Variants in PDPK1 observed in about 807,000 individuals in gnomAD.
PDPK1 encodes 3-phosphoinositide dependent protein kinase 1, also known as 3-phosphoinositide-dependent protein kinase 1.
In PDPK1, 7 loss-of-function variants were observed where a neutral mutation model predicts 39.8. The ratio of observed to expected loss-of-function variants is 0.18; its 90% CI spans 0.10 to 0.33. The LOEUF is 0.33. Ranked by LOEUF, PDPK1 falls within the 10% of genes least tolerant of loss-of-function variation. The pLI is 1.00. For missense variants in PDPK1, 182 were observed against 384.7 expected (o/e 0.47, Z 4.41); for synonymous variants, 118 against 159.1 (o/e 0.74, Z 1.95).
At chr16:2,595,566 G>A (rs2067083935) in intron 11 of PDPK1, among the ~76,000 whole-genome samples, 1 of 152,248 alleles carries the variant, frequency 6.6e-6, no homozygotes, top group Non-Finnish European at 1.5e-5. Flanking sequence ...AACAGGCACT[G>A]TGTCTGGTAT....
intron 1 of PDPK1, among the ~76,000 whole-genome samples, chr16:2,544,858 T>A (rs980266496): frequency 6.6e-6 from 1 of 152,064 alleles, no homozygotes; most frequent in Non-Finnish European, 1.5e-5. Context: ...TGCTGGGATT[T>A]ACAGGCATGA....
Position 2,576,920 on chromosome 16 carries a change from G to A in PDPK1, c.710-505G>A, listed in dbSNP as rs571854764. 42 of 196,128 alleles carry A rather than the reference G, an allele frequency of 2.1e-4. 1 individual carries two copies. In the South Asian group the frequency reaches 3.4e-3, roughly 16 times the overall value. The allele number at this position is 196,128 out of a possible 1,614,324, so 12.1% of individuals were successfully genotyped here. On this transcript the variant is annotated intron_variant, in intron 6 of 13. Transcript: ENST00000342085. ...CAGGGCCGGTGTGGACAGCAGCTGC[G>A]TGGTGGCCCTGGGCCAGCTCGTGCT...
At chr16:2,544,183 G>C (rs1277280299) in intron 1 of PDPK1, among the ~76,000 whole-genome samples, 2 of 152,206 alleles carry the variant, frequency 1.3e-5, no homozygotes, top group Non-Finnish European at 2.9e-5. Context: ...GGGGATGGCA[G>C]ACTGTATGTA....
chr16:2,593,795 G>T lies in PDPK1; in HGVS notation c.1344-1998G>T, dbSNP rs535274151. On this transcript the variant is annotated intron_variant, in intron 11 of 13. Transcript: ENST00000342085. The surrounding 1 kb of genome is among the most constrained non-coding windows in gnomAD (Gnocchi z 4.2). ...GGCCTGTCTGTCAGAGTGGCTTCCT[G>T]CCGGCTCTGTGGTCCCTCCAGGCAT... The T allele has an allele frequency of 6.5e-6, 1 of 152,698 alleles. No homozygotes were observed. The highest frequency in any genetic ancestry group is 2.4e-5 in the African/African-American group (1 of 41,472). The allele number at this position is 152,698 out of a possible 1,614,324, so 9.5% of individuals were successfully genotyped here.
In PDPK1 at chr16:2,597,596, G is replaced by GT. The variant is rs1315341187; in HGVS notation, c.1555-54dup. On this transcript the variant is annotated intron_variant, in intron 13 of 13. Coordinates refer to ENST00000342085, the MANE Select transcript of PDPK1 (RefSeq NM_002613.5). The surrounding 1 kb of genome is among the most constrained non-coding windows in gnomAD (Gnocchi z 6.3). ...GTCGCAGGCAGCTCACCAGGTTGGGGTGGGGGTTTTGGTGGGACTCCCTGG... is the reference window on the plus strand; with the variant it reads ...GTCGCAGGCAGCTCACCAGGTTGGGGTTGGGGGTTTTGGTGGGACTCCCTGG... 32 of 1,264,048 alleles carry GT rather than the reference G, an allele frequency of 2.5e-5. No individual in the cohort carries two copies. Among genetic ancestry groups the GT allele is most frequent in the Admixed American group, 2.0e-4 (12 of 59,458 alleles). The allele number at this position is 1,264,048 out of a possible 1,614,324, so 78.3% of individuals were successfully genotyped here. A position where few individuals can be genotyped will look rare whatever the true frequency, so the allele number is the denominator to read the frequency against.
intron 11 of PDPK1, chr16:2,594,003 C>T (rs2067047793): frequency 6.6e-6 from 1 of 152,324 alleles, no homozygotes; most frequent in Admixed American, 6.5e-5. Context: ...TGCTTCAGAC[C>T]CACAGGATGG....
At chr16:2,541,987 G>A (rs2066253470) in intron 1 of PDPK1, among the ~76,000 whole-genome samples, 1 of 151,806 alleles carries the variant, frequency 6.6e-6, no homozygotes, top group Non-Finnish European at 1.5e-5. Flanking sequence ...TCTCTTTTCT[G>A]TACCTGATGT....
chr16:2,542,556 C>G (rs2066264124), intron 1 of PDPK1, among the ~76,000 whole-genome samples: 1 of 152,148 alleles, frequency 6.6e-6, no homozygotes, highest in Non-Finnish European at 1.5e-5. Flanking sequence ...ACAAGCCTGA[C>G]ATTAGCAGCT....
chr16:2,589,405 C>T lies in PDPK1; in HGVS notation c.1343+2512C>T, dbSNP rs544260656. Among the ~76,000 whole-genome samples, 7 of 152,104 alleles carry T rather than the reference C, an allele frequency of 4.6e-5. No individual in the cohort carries two copies. The South Asian group carries it at 6.2e-4, about 14-fold the overall frequency. ...TTTTCCTTGTGCCTACATGAGAATA[C>T]GGTAAGTTAAGTTCAGGATCACACC... On this transcript the variant is annotated intron_variant, in intron 11 of 13. Coordinates refer to ENST00000342085, the MANE Select transcript of PDPK1 (RefSeq NM_002613.5).
At chr16:2,596,511 A>G (rs1353739357) in intron 12 of PDPK1, among the ~76,000 whole-genome samples, 4 of 152,078 alleles carry the variant, frequency 2.6e-5, no homozygotes, top group African/African-American at 9.7e-5. Flanking sequence ...TCTTTATTTT[A>G]TGGATTAAAT....
chr16:2,592,234 A>G (rs777292300), intron 11 of PDPK1, among the ~76,000 whole-genome samples: 30 of 152,138 alleles, frequency 2.0e-4, no homozygotes, highest in African/African-American at 5.6e-4. Flanking sequence ...GGGGTTTTCT[A>G]TGGTCACCCC....
intron 11 of PDPK1, among the ~76,000 whole-genome samples, chr16:2,589,494 C>T (rs2066944400): frequency 6.6e-6 from 1 of 151,928 alleles, no homozygotes; most frequent in South Asian, 2.1e-4. Context: ...TCGAGAGCAG[C>T]CTGGGCAAGA....
chr16:2,590,614 C>T (rs947290759), intron 11 of PDPK1, among the ~76,000 whole-genome samples: 7 of 152,170 alleles, frequency 4.6e-5, no homozygotes, highest in African/African-American at 1.7e-4. Context: ...GCAGACTTAG[C>T]TATTTGGCCA....
chr16:2,600,346 G>A lies in PDPK1; in HGVS notation c.*2579G>A, dbSNP rs2067192713. The stretch of plus-strand genomic sequence containing the variant: ...AGGTGGAATGTCGGGACCACACTGT[G>A]CGGCTTCTCGGCACAAAGCGGAGGG... On this transcript the variant is annotated 3_prime_UTR_variant, in exon 14 of 14. Coordinates refer to ENST00000342085, the MANE Select transcript of PDPK1 (RefSeq NM_002613.5). The A allele has an allele frequency of 4.3e-6, 1 of 233,134 alleles. No individual in the cohort carries two copies. Among genetic ancestry groups the A allele is most frequent in the Admixed American group, 5.6e-5 (1 of 17,788 alleles). 14.4% of individuals were successfully genotyped at this position (233,134 alleles called of 1,614,324 possible). A position where few individuals can be genotyped will look rare whatever the true frequency, so the allele number is the denominator to read the frequency against.
In PDPK1 at chr16:2,599,290, T is replaced by C. The variant is rs1274421053; in HGVS notation, c.*1523T>C. On this transcript the variant is annotated 3_prime_UTR_variant, in exon 14 of 14. Coordinates refer to ENST00000342085, the MANE Select transcript of PDPK1 (RefSeq NM_002613.5). ...ACTCAACTGTGTCCACCCTCCCTGG[T>C]CCCTACCCCCAAGTCACAGGTGACT... is the stretch of plus-strand genomic sequence containing the variant. The C allele has an allele frequency of 4.3e-6, 1 of 233,002 alleles. No homozygotes were observed. The highest frequency in any genetic ancestry group is 2.2e-5 in the African/African-American group (1 of 45,278). The allele number at this position is 233,002 out of a possible 1,614,324, so 14.4% of individuals were successfully genotyped here. A position where few individuals can be genotyped will look rare whatever the true frequency, so the allele number is the denominator to read the frequency against.
intron 1 of PDPK1, among the ~76,000 whole-genome samples, chr16:2,540,410 A>G (rs1472213209): frequency 6.6e-6 from 1 of 152,152 alleles, no homozygotes; most frequent in Non-Finnish European, 1.5e-5. Flanking sequence ...TTCCCATTTT[A>G]CGGGTGCAGA....
At chr16:2,595,928 G>A in intron 12 of PDPK1, 78 bp downstream of exon 12, 1 of 1,049,486 alleles carries the variant, frequency 9.5e-7, no homozygotes, top group Non-Finnish European at 1.5e-6. Flanking sequence ...GGGCAGCTTG[G>A]TGGCGTGGAA....
At chr16:2,541,667 A>G (rs1034387574) in intron 1 of PDPK1, among the ~76,000 whole-genome samples, 1 of 152,180 alleles carries the variant, frequency 6.6e-6, no homozygotes, top group African/African-American at 2.4e-5. Flanking sequence ...GTTGTTTAGA[A>G]AGCAGGTTCA....
intron 1 of PDPK1, among the ~76,000 whole-genome samples, chr16:2,550,383 G>A (rs2066392352): frequency 2.7e-5 from 2 of 73,992 alleles, no homozygotes; most frequent in Non-Finnish European, 5.0e-5. Context: ...TTACCAGAAG[G>A]CTCGAGTGGC....
Sources: gnomAD v4.1 joint callset for allele counts (sites outside exome capture counted in the v4.1 genomes callset) on GRCh38, gnomAD v4.1.1 for gene constraint, Gnocchi (gnomAD v3.1) non-coding constraint, MANE v1.5 for transcripts, NCBI Gene and HGNC (gene_info 2026-07-23, HGNC 2026-07-21) for gene names.